CRACD: variants seen among roughly 807,000 people sequenced by gnomAD.
CRACD encodes the protein capping protein inhibiting regulator of actin dynamics.
Under a neutral mutation model 106.8 loss-of-function variants are expected in CRACD, and 56 were observed. The ratio of observed to expected loss-of-function variants is 0.52; its 90% confidence interval spans 0.42 to 0.66. The LOEUF is 0.66. CRACD is among the 30% of genes least tolerant of loss of function. CRACD has a pLI of 0.00. For synonymous variants in CRACD, 754 were observed against 670.8 expected (o/e 1.12, Z -1.92); for missense variants, 1,730 against 1,623.2 (o/e 1.07, Z -1.13).
At chr4:56,130,294 T>A (rs992218469) in intron 1 of CRACD, among the ~76,000 whole-genome samples, 4 of 151,960 alleles carry the variant, frequency 2.6e-5, no homozygotes, top group African/African-American at 9.7e-5. Context: ...GTAACCATAA[T>A]CTCAACAAAT....
chr4:56,327,337 G>T (rs780291088), intron 10 of CRACD, among the ~76,000 whole-genome samples: 2 of 152,160 alleles, frequency 1.3e-5, no homozygotes, highest in Non-Finnish European at 2.9e-5. Context: ...TGGCTGGGGT[G>T]GGGGGTGTTG....
intron 1 of CRACD, among the ~76,000 whole-genome samples, chr4:56,077,707 TAGC>T (rs538539936): frequency 1.8e-3 from 271 of 152,310 alleles, no homozygotes; most frequent in African/African-American, 6.0e-3. Flanking sequence ...CACGTAGACT[TAGC>T]AGCTCATATG....
intron 8 of CRACD, 94 bp from the exon 9 acceptor site, chr4:56,323,283 G>T (rs1378351473): frequency 9.0e-7 from 1 of 1,109,282 alleles, no homozygotes; most frequent in Non-Finnish European, 1.3e-6. Context: ...ATGCCATAGG[G>T]TTATTAATAT....
chr4:56,171,597 A>G (rs1736366878), intron 1 of CRACD, among the ~76,000 whole-genome samples: 1 of 152,216 alleles, frequency 6.6e-6, no homozygotes, highest in Non-Finnish European at 1.5e-5. Context: ...GGAGTGAACA[A>G]TGCTGAGATG....
intron 4 of CRACD, among the ~76,000 whole-genome samples, chr4:56,305,358 T>C (rs930963366): frequency 1.1e-4 from 16 of 152,094 alleles, no homozygotes; most frequent in Non-Finnish European, 8.8e-5. Flanking sequence ...TGGCCAACAC[T>C]CCTAGAGAAG....
At chr4:56,090,015 A>G (rs1266906043) in intron 1 of CRACD, among the ~76,000 whole-genome samples, 2 of 152,130 alleles carry the variant, frequency 1.3e-5, no homozygotes, top group East Asian at 3.9e-4. Context: ...TGCTTAACCA[A>G]AATATTCTGA....
chr4:56,110,585 G>T (rs953413525), intron 1 of CRACD, among the ~76,000 whole-genome samples: 25 of 152,124 alleles, frequency 1.6e-4, no homozygotes, highest in Admixed American at 5.2e-4. Context: ...CAGAATTATT[G>T]GTTTAACTCA....
In CRACD at chr4:56,330,291, T is replaced by G. The variant is rs1746728406; in HGVS notation, c.*2487T>G. Among the ~76,000 whole-genome samples the G allele has an allele frequency of 6.6e-6, 1 of 152,134 alleles. No homozygotes were observed. Among genetic ancestry groups the G allele is most frequent in the African/African-American group, 2.4e-5 (1 of 41,434 alleles). ...TTATATATAAAACTAGAGGGTTTTT[T>G]GTTTACTTTTTTAATTTTTCAAGTG... On this transcript the variant is annotated 3_prime_UTR_variant, in exon 11 of 11. Coordinates refer to ENST00000682029, the MANE Select transcript of CRACD (RefSeq NM_001393381.1).
chr4:56,306,812 T>C (rs1401910), intron 4 of CRACD, among the ~76,000 whole-genome samples: 37,803 of 152,102 alleles, frequency 0.25, 4,989 homozygotes, highest in East Asian at 0.45. Flanking sequence ...CCTCCCTGGC[T>C]TTTCCCCATT....
Position 56,073,493 on chromosome 4 carries a change from G to A in CRACD, c.-336+24194G>A, listed in dbSNP as rs377733350. ...TATTTTCTAATCCTAAATTTTCATT[G>A]TGCAGATAAGGAAACGGAGAGTCCT... On this transcript the variant is annotated intron_variant, in intron 1 of 10. Transcript: ENST00000682029. Among the ~76,000 whole-genome samples the A allele has an allele frequency of 6.2e-4, 94 of 152,194 alleles. 1 individual carries two copies. The highest frequency in any genetic ancestry group is 2.0e-3 in the African/African-American group (84 of 41,542).
At chr4:56,120,954 C>T (rs898798513) in intron 1 of CRACD, among the ~76,000 whole-genome samples, 7 of 152,290 alleles carry the variant, frequency 4.6e-5, no homozygotes, top group African/African-American at 1.7e-4. Context: ...CAGCATCAGT[C>T]AGCGCTACTA....
chr4:56,324,159 A>C lies in CRACD; in HGVS notation c.3434A>C (p.His1145Pro). The C allele has an allele frequency of 1.2e-6, 2 of 1,614,182 alleles. No homozygotes were observed. The highest frequency in any genetic ancestry group is 8.5e-7 in the Non-Finnish European group (1 of 1,179,986). The change falls in exon 10 of 11, where the codon CAC (histidine) becomes CCC (proline). Residue 1145 changes from histidine (H) to proline (P), a missense_variant. Around this residue, in one of 5 missense-constraint regions of CRACD, gnomAD observed 89 missense variants for 89.6 expected, o/e 0.99. Coordinates refer to ENST00000682029, the MANE Select transcript of CRACD (RefSeq NM_001393381.1). ...SSSVSRAGSL[H>P]KSTALPEEKR... is the part of the protein sequence containing the mutation. ...AGTGTCAGCAGAGCAGGTTCCCTGC[A>C]CAAGTCCACTGCTCTGCCAGAAGAG... is the stretch of plus-strand genomic sequence containing the variant.
chr4:56,200,550 G>A (rs1045458876), intron 2 of CRACD, among the ~76,000 whole-genome samples: 1 of 152,148 alleles, frequency 6.6e-6, no homozygotes, highest in Non-Finnish European at 1.5e-5. Context: ...ACTTTCAACT[G>A]TATGCTCCTC....
chr4:56,275,656 G>A (rs1385931596), intron 3 of CRACD, among the ~76,000 whole-genome samples: 1 of 152,240 alleles, frequency 6.6e-6, no homozygotes, highest in East Asian at 1.9e-4. Context: ...CTTATTTTTA[G>A]TTCATGGTTC....
chr4:56,119,164 C>T (rs1346955196), intron 1 of CRACD, among the ~76,000 whole-genome samples: 5 of 152,138 alleles, frequency 3.3e-5, no homozygotes, highest in Non-Finnish European at 5.9e-5. Context: ...CCAAAAAACA[C>T]GGCAGAGTTA....
At chr4:56,234,411 C>T (rs925719151) in intron 2 of CRACD, among the ~76,000 whole-genome samples, 9 of 152,152 alleles carry the variant, frequency 5.9e-5, no homozygotes, top group Non-Finnish European at 1.0e-4. Flanking sequence ...CTTAATTCCT[C>T]TTTATGACTG....
At chr4:56,280,946 A>T (rs1417403001) in intron 3 of CRACD, among the ~76,000 whole-genome samples, 1 of 152,206 alleles carries the variant, frequency 6.6e-6, no homozygotes, top group Non-Finnish European at 1.5e-5. Context: ...GGAAGCTGGG[A>T]TGTGCTGAAA....
At chr4:56,196,664 C>G (rs1433284362) in intron 2 of CRACD, among the ~76,000 whole-genome samples, 2 of 152,186 alleles carry the variant, frequency 1.3e-5, no homozygotes, top group Non-Finnish European at 2.9e-5. Context: ...TGCTCAACAT[C>G]TAGTGACTCT....
rs1738527516 is a variant in CRACD, at chr4:56,213,806, A to G, written c.-189+34376A>G. Among the ~76,000 whole-genome samples, 3 of 152,258 alleles carry G rather than the reference A, an allele frequency of 2.0e-5. No individual in the cohort carries two copies. In the South Asian group the frequency reaches 6.2e-4, roughly 31 times the overall value. On this transcript the variant is annotated intron_variant, in intron 2 of 10. Transcript: ENST00000682029. ...AGTAGGTTATGCTCTGTTTACACAT[A>G]TAGTTAGGTTACAGTTTACTATGGA... is the stretch of plus-strand genomic sequence containing the variant.
Sources: allele counts gnomAD v4.1 joint callset (sites outside exome capture counted in the v4.1 genomes callset), GRCh38; gene constraint gnomAD v4.1.1; regional missense constraint gnomAD v4.1.1; transcripts MANE v1.5; gene names NCBI Gene and HGNC (gene_info 2026-07-23, HGNC 2026-07-21).